LRP1B: variants seen among roughly 807,000 people sequenced by gnomAD.
LRP1B encodes LDL receptor related protein 1B.
A neutral mutation model predicts 556.6 loss-of-function variants in LRP1B; 217 were observed. That is an observed-to-expected ratio of 0.39 (90% CI 0.35 to 0.44). The LOEUF is 0.44. Ranked by LOEUF, LRP1B falls within the 20% of genes least tolerant of loss-of-function variation. The probability of loss-of-function intolerance (pLI) is 1.00; values close to 1 mark genes in which losing one functional copy is unlikely to be tolerated. For missense variants in LRP1B, 5,053 were observed against 5,620.8 expected, an observed-to-expected ratio of 0.90 and a Z score of 3.23; for synonymous variants, 2,047 against 1,865.8, an observed-to-expected ratio of 1.10 and a Z score of -2.50.
chr2:140,954,544 C>T (rs539556040), intron 18 of LRP1B, among the ~76,000 whole-genome samples: 7 of 152,004 alleles, frequency 4.6e-5, no homozygotes, highest in Admixed American at 2.0e-4. Flanking sequence ...GATACTTCAT[C>T]GGTTGGGAAA....
At chr2:142,041,926 A>C (rs1470987432) in intron 1 of LRP1B, among the ~76,000 whole-genome samples, 1 of 151,592 alleles carries the variant, frequency 6.6e-6, no homozygotes, top group Non-Finnish European at 1.5e-5. Flanking sequence ...CTGAATTAAA[A>C]GTAGTCTACA....
At chr2:141,447,014 C>G (rs1681219486) in intron 3 of LRP1B, among the ~76,000 whole-genome samples, 1 of 152,110 alleles carries the variant, frequency 6.6e-6, no homozygotes, top group African/African-American at 2.4e-5. Flanking sequence ...TGTTTTCCAA[C>G]TTGGTTCCGT....
At chr2:141,979,498 A>G (rs1159411274) in intron 1 of LRP1B, among the ~76,000 whole-genome samples, 3 of 152,210 alleles carry the variant, frequency 2.0e-5, no homozygotes, top group Admixed American at 6.6e-5. Flanking sequence ...AGACTCACCA[A>G]CATATTAAGA....
chr2:141,449,407 G>C (rs1017688167), intron 3 of LRP1B, among the ~76,000 whole-genome samples: 7 of 152,134 alleles, frequency 4.6e-5, no homozygotes, highest in African/African-American at 7.2e-5. Context: ...CTTTGGAATT[G>C]ATGTTTGATT....
chr2:141,266,773 A>G (rs1001965848), intron 3 of LRP1B, among the ~76,000 whole-genome samples: 2 of 152,224 alleles, frequency 1.3e-5, no homozygotes, highest in African/African-American at 4.8e-5. Context: ...GATAATTAAA[A>G]TATAGCTACA....
In LRP1B at chr2:141,783,354, A is replaced by G. The variant is rs373843098; in HGVS notation, c.205+26925T>C. Reference sequence around the variant, plus strand: ...GGTAGAACCAAGGTAAAAAGAAGAAATAATTCAATAGTAATATAATCTTAA... The same window carrying G: ...GGTAGAACCAAGGTAAAAAGAAGAAGTAATTCAATAGTAATATAATCTTAA... On this transcript the variant is annotated intron_variant, in intron 2 of 90. Coordinates refer to ENST00000389484, the MANE Select transcript of LRP1B (RefSeq NM_018557.3). Among the ~76,000 whole-genome samples the G allele has an allele frequency of 2.2e-4, 34 of 152,214 alleles. No homozygotes were observed. In the South Asian group the frequency reaches 7.0e-3, roughly 32 times the overall value.
chr2:141,353,935 T>C (rs1247633136), intron 3 of LRP1B, among the ~76,000 whole-genome samples: 1 of 152,020 alleles, frequency 6.6e-6, no homozygotes, highest in Admixed American at 6.6e-5. Context: ...AAGGTTCTTC[T>C]TCATGCTATG....
At chr2:141,817,497 TAATA>T (rs1476888262) in intron 1 of LRP1B, among the ~76,000 whole-genome samples, 11 of 152,176 alleles carry the variant, frequency 7.2e-5, no homozygotes, top group Admixed American at 3.9e-4. Flanking sequence ...TAAAAATTTA[TAATA>T]AATATTTTTG....
In LRP1B at chr2:140,902,922, A is replaced by G. The variant is rs755158524; in HGVS notation, c.3764T>C (p.Val1255Ala). ...ACACACACAAAATAGTTACTTACCA[A>G]CACTTGTACAACTTTCACCGTCTAC... Reference protein sequence around the residue: ...LDVDGESCTSVDPFEAFIIFS... With the variant: ...LDVDGESCTSADPFEAFIIFS... The change falls in exon 23 of 91, where the codon GTT (valine) becomes GCT (alanine). Residue 1255 changes from valine to alanine, a missense_variant and splice_region_variant. Transcript: ENST00000389484. 1.9e-6 allele frequency: 3 copies of G among 1,612,736 alleles called. No individual in the cohort carries two copies. The highest frequency in any genetic ancestry group is 2.2e-5 in the East Asian group (1 of 44,814).
chr2:141,112,502 T>C (rs1385302345), intron 7 of LRP1B, among the ~76,000 whole-genome samples: 3 of 152,154 alleles, frequency 2.0e-5, no homozygotes, highest in African/African-American at 7.2e-5. Context: ...AAAAATACGT[T>C]AAAATAAGCT....
At chr2:140,875,832 C>T (rs929046273) in intron 25 of LRP1B, among the ~76,000 whole-genome samples, 34 of 152,064 alleles carry the variant, frequency 2.2e-4, no homozygotes, top group Admixed American at 2.2e-3. Flanking sequence ...TTATGGGAAA[C>T]TCCTATAATT....
intron 3 of LRP1B, among the ~76,000 whole-genome samples, chr2:141,289,881 A>G (rs1212937404): frequency 6.6e-6 from 1 of 152,168 alleles, no homozygotes; most frequent in Non-Finnish European, 1.5e-5. Flanking sequence ...TATATGTGTT[A>G]CTGCTAGTGA....
intron 1 of LRP1B, among the ~76,000 whole-genome samples, chr2:141,847,989 G>A (rs2105769780): frequency 6.6e-6 from 1 of 151,554 alleles, no homozygotes; most frequent in Non-Finnish European, 1.5e-5. Context: ...GAAAAATAAA[G>A]ACTTTAAGTT....
chr2:141,496,166 A>G (rs1408943933), intron 2 of LRP1B, among the ~76,000 whole-genome samples: 1 of 151,694 alleles, frequency 6.6e-6, no homozygotes, highest in Non-Finnish European at 1.5e-5. Context: ...CAATTTCACC[A>G]TTTTGCTACT....
At chr2:141,729,408 G>A (rs771734883) in intron 2 of LRP1B, among the ~76,000 whole-genome samples, 1 of 152,052 alleles carries the variant, frequency 6.6e-6, no homozygotes, top group Non-Finnish European at 1.5e-5. Context: ...GGTCTTAGCA[G>A]GCAGACTTTA....
intron 20 of LRP1B, among the ~76,000 whole-genome samples, chr2:140,935,755 G>T (rs1453692864): frequency 6.6e-6 from 1 of 151,948 alleles, no homozygotes; most frequent in Non-Finnish European, 1.5e-5. Context: ...CTTGAAAGCG[G>T]CAAGTGAGAA....
rs562948861 is a variant in LRP1B at position 141,256,266 on chromosome 2, T to C, written c.344-1625A>G. 2.0e-5 allele frequency among the ~76,000 whole-genome samples: 3 copies of C among 151,672 alleles called. No homozygotes were observed. The South Asian group carries it at 6.2e-4, about 32-fold the overall frequency. On this transcript the variant is annotated intron_variant, in intron 3 of 90. Coordinates refer to ENST00000389484, the MANE Select transcript of LRP1B (RefSeq NM_018557.3). ...AAAATTAATGAGAATGTAGCCTAGG[T>C]AAAGAGGACAATATGAGAAAGTAAA...
chr2:140,541,687 C>A, intron 44 of LRP1B, 92 bp downstream of exon 44: 2 of 1,038,420 alleles, frequency 1.9e-6, no homozygotes, highest in Non-Finnish European at 1.4e-6. Flanking sequence ...AAAGAAAAAG[C>A]AAATCCAACT....
At chr2:140,349,920 T>C (rs935978776) in intron 77 of LRP1B, among the ~76,000 whole-genome samples, 1 of 152,124 alleles carries the variant, frequency 6.6e-6, no homozygotes, top group African/African-American at 2.4e-5. Context: ...TGATAAAGTA[T>C]ATTCCAGATT....
Sources: gnomAD v4.1 joint callset for allele counts (sites outside exome capture counted in the v4.1 genomes callset) on GRCh38, gnomAD v4.1.1 for gene constraint, MANE v1.5 for transcripts, NCBI Gene and HGNC (gene_info 2026-07-23, HGNC 2026-07-21) for gene names.